Variants in AFMID observed in about 807,000 individuals in gnomAD.
The protein encoded by AFMID is arylformamidase.
A neutral mutation model predicts 47.5 loss-of-function variants in AFMID; 39 were observed. The observed-to-expected ratio is 0.82, with a 90% CI of 0.64 to 1.07. AFMID has a LOEUF of 1.07. Among genes scored for constraint, AFMID ranks in the 50% least tolerant of loss-of-function variants. The probability of loss-of-function intolerance (pLI) is 0.00; values close to 1 mark genes in which losing one functional copy is unlikely to be tolerated. For synonymous variants in AFMID, 130 were observed against 153.2 expected (o/e 0.85, Z 1.12); for missense variants, 375 against 387.5 (o/e 0.97, Z 0.27).
intron 1 of AFMID, among the ~76,000 whole-genome samples, chr17:78,189,818 CATT>C (rs1196653573): frequency 9.5e-5 from 14 of 146,648 alleles, no homozygotes; most frequent in East Asian, 4.0e-4. Flanking sequence ...CCGTGTCCAG[CATT>C]TTCTGTTGGT....
chr17:78,203,761 C>G (rs536916479), intron 4 of AFMID: 1 of 152,236 alleles, frequency 6.6e-6, no homozygotes, highest in Middle Eastern at 3.4e-3. Flanking sequence ...CGGTGGCTCA[C>G]GCCTGTAATC....
At chr17:78,188,595 AT>A (rs200662176) in intron 1 of AFMID, among the ~76,000 whole-genome samples, 30,929 of 139,388 alleles carry the variant, frequency 0.22, 3,636 homozygotes, top group Non-Finnish European at 0.29. Context: ...TGCCTGGCTA[AT>A]TTTTTTTTTT....
chr17:78,190,431 G>C (rs868706589), intron 1 of AFMID, among the ~76,000 whole-genome samples: 1 of 151,966 alleles, frequency 6.6e-6, no homozygotes, highest in Non-Finnish European at 1.5e-5. Flanking sequence ...GTCTTGCTCT[G>C]TCGCTAGGCT....
chr17:78,201,234 C>T (rs945266484), intron 2 of AFMID, among the ~76,000 whole-genome samples: 5 of 149,642 alleles, frequency 3.3e-5, no homozygotes, highest in Non-Finnish European at 5.9e-5. Flanking sequence ...GCAGAAGTTG[C>T]AGTGAGCCAA....
chr17:78,196,446 A>T (rs1230944428), intron 2 of AFMID, among the ~76,000 whole-genome samples: 1 of 152,000 alleles, frequency 6.6e-6, no homozygotes, highest in Non-Finnish European at 1.5e-5. Context: ...GGGAGGCCAG[A>T]GGGGGGCAGA....
In AFMID at chr17:78,206,939, TC is replaced by T; in HGVS notation, c.*3del. The T allele has an allele frequency of 6.2e-7, 1 of 1,614,054 alleles. No individual in the cohort carries two copies. ...ATCTTGAAAACAATCTTCCAGTAGT[TC>T]TGACGATACTTGGAGCCTGGTCCAC... On this transcript the variant is annotated 3_prime_UTR_variant, in exon 11 of 11. Coordinates refer to ENST00000409257, the MANE Select transcript of AFMID (RefSeq NM_001010982.5).
chr17:78,197,340 C>G, intron 2 of AFMID: 2 of 775,004 alleles, frequency 2.6e-6, no homozygotes, highest in Non-Finnish European at 4.1e-6. Flanking sequence ...AGAGTGCGTC[C>G]TACAGATGCT....
intron 1 of AFMID, among the ~76,000 whole-genome samples, chr17:78,187,997 A>G (rs2075848545): frequency 6.8e-6 from 1 of 147,118 alleles, no homozygotes; most frequent in Non-Finnish European, 1.5e-5. Context: ...AAATCCATAG[A>G]CCCGCAGGAG....
rs2076327121 is a variant in AFMID at position 78,204,564 on chromosome 17, G to A, written c.309-92G>A. On this transcript the variant is annotated intron_variant, in intron 4 of 10. Transcript: ENST00000409257. ...CCAGAAAGGGGTGATGCTGTGCGTG[G>A]ACAGGACATCTGGCAAGTGGTGTGT... 18 of 1,252,516 alleles carry A rather than the reference G, an allele frequency of 1.4e-5. No individual in the cohort carries two copies. The South Asian group carries it at 2.1e-4, about 15-fold the overall frequency. 77.6% of individuals were successfully genotyped at this position (1,252,516 alleles called of 1,614,324 possible).
At chr17:78,188,718 T>C (rs1051905704) in intron 1 of AFMID, among the ~76,000 whole-genome samples, 5 of 152,146 alleles carry the variant, frequency 3.3e-5, no homozygotes, top group African/African-American at 1.2e-4. Flanking sequence ...GGCCTCAGCC[T>C]CCTGAGTAGC....
intron 2 of AFMID, among the ~76,000 whole-genome samples, chr17:78,198,251 A>C (rs1164191678): frequency 6.6e-6 from 1 of 151,908 alleles, no homozygotes; most frequent in Non-Finnish European, 1.5e-5. Flanking sequence ...TGAATTCAGG[A>C]GTTCCAGACC....
chr17:78,198,655 A>G (rs1168176824), intron 2 of AFMID, among the ~76,000 whole-genome samples: 2 of 134,470 alleles, frequency 1.5e-5, no homozygotes, highest in African/African-American at 5.8e-5. Context: ...AAAAAAAAAA[A>G]AAAATTAGAC....
At position 78,207,192 on chromosome 17, in the gene AFMID, G is replaced by A. The variant is rs2076404286; in HGVS notation, c.*255G>A. Reference sequence around the variant, plus strand: ...AAGTCAATGCTCAGAGATGCCCGGAGCTGCCTCTTAGACTCGTCTGGCCCA... The same window carrying A: ...AAGTCAATGCTCAGAGATGCCCGGAACTGCCTCTTAGACTCGTCTGGCCCA... On this transcript the variant is annotated 3_prime_UTR_variant, in exon 11 of 11. Transcript: ENST00000409257. The A allele has an allele frequency of 5.5e-6, 3 of 549,672 alleles. No individual in the cohort carries two copies. Among genetic ancestry groups the A allele is most frequent in the Admixed American group, 3.3e-5 (1 of 30,622 alleles). 34.0% of individuals were successfully genotyped at this position (549,672 alleles called of 1,614,324 possible).
At chr17:78,192,811 G>A (rs1210567480) in intron 2 of AFMID, 9 of 334,686 alleles carry the variant, frequency 2.7e-5, no homozygotes, top group African/African-American at 2.0e-4. Flanking sequence ...ACCATGCTTG[G>A]CAAATTAGCT....
At chr17:78,190,593 T>C (rs2075939063) in intron 1 of AFMID, 2 of 181,698 alleles carry the variant, frequency 1.1e-5, no homozygotes, top group Admixed American at 1.2e-4. Flanking sequence ...GGTTTTGCCA[T>C]GTTGGCCAGG....
At chr17:78,202,782 A>G (rs1567853131) in intron 4 of AFMID, 31 bp downstream of exon 4, 3 of 1,551,416 alleles carry the variant, frequency 1.9e-6, no homozygotes, top group Non-Finnish European at 2.6e-6. Flanking sequence ...GGTGGACTGC[A>G]AGAGAGATTC....
chr17:78,189,264 C>T (rs1347747994), intron 1 of AFMID, among the ~76,000 whole-genome samples: 1 of 147,934 alleles, frequency 6.8e-6, no homozygotes, highest in Non-Finnish European at 1.5e-5. Context: ...CTGTTGTCAC[C>T]CAGGCTAGAG....
In AFMID at chr17:78,204,820, CTG is replaced by C; in HGVS notation, c.395-5_395-4del. 1.2e-6 allele frequency: 2 copies of C among 1,614,232 alleles called. No homozygotes were observed. Among genetic ancestry groups the C allele is most frequent in the Non-Finnish European group, 1.7e-6 (2 of 1,180,038 alleles). ...GCATCCCTGACCCAGCTCATGCTCT[CTG>C]TGCAGGCACCCTGGACCACATGGTA... On this transcript the variant is annotated splice_region_variant and splice_polypyrimidine_tract_variant and intron_variant, in intron 5 of 10. Coordinates refer to ENST00000409257, the MANE Select transcript of AFMID (RefSeq NM_001010982.5).
At chr17:78,206,543 A>G (rs925042729) in intron 10 of AFMID, among the ~76,000 whole-genome samples, 7 of 150,550 alleles carry the variant, frequency 4.6e-5, no homozygotes, top group Admixed American at 6.7e-5. Flanking sequence ...AGTAGCTGGG[A>G]CTACAAAGGC....
Sources: gnomAD v4.1 joint callset for allele counts (sites outside exome capture counted in the v4.1 genomes callset) on GRCh38, gnomAD v4.1.1 for gene constraint, MANE v1.5 for transcripts, NCBI Gene and HGNC (gene_info 2026-07-23, HGNC 2026-07-21) for gene names.